PCDH15: variants seen among roughly 807,000 people sequenced by gnomAD.
PCDH15 encodes protocadherin-15.
In PCDH15, 129 loss-of-function variants were observed where a neutral mutation model predicts 178.5. That is an observed-to-expected ratio of 0.72 (90% CI 0.63 to 0.84). The LOEUF (loss-of-function observed/expected upper bound fraction) is 0.84. PCDH15 is among the 40% of genes least tolerant of loss of function. The pLI is 0.00. For synonymous variants in PCDH15, 800 were observed against 732.0 expected, an observed-to-expected ratio of 1.09 and a Z score of -1.50; for missense variants, 2,230 against 2,099.9, an observed-to-expected ratio of 1.06 and a Z score of -1.21.
chr10:54,463,777 C>G (rs1393729409), intron 3 of PCDH15, among the ~76,000 whole-genome samples: 1 of 151,314 alleles, frequency 6.6e-6, no homozygotes, highest in Non-Finnish European at 1.5e-5. Flanking sequence ...TGTTTTATAG[C>G]AAAGTGATTC....
At chr10:54,200,706 G>A (rs1306543853) in intron 10 of PCDH15, among the ~76,000 whole-genome samples, 2 of 151,956 alleles carry the variant, frequency 1.3e-5, no homozygotes, top group African/African-American at 2.4e-5. Flanking sequence ...ATCCTTTCAC[G>A]GCAACAGCTT....
intron 3 of PCDH15, among the ~76,000 whole-genome samples, chr10:54,516,328 T>C (rs1253754441): frequency 1.3e-5 from 2 of 151,934 alleles, no homozygotes; most frequent in East Asian, 3.9e-4. Context: ...ATTAGATGAA[T>C]GTATAACTAG....
intron 2 of PCDH15, among the ~76,000 whole-genome samples, chr10:54,612,323 A>T (rs1009558923): frequency 2.0e-5 from 3 of 151,892 alleles, no homozygotes; most frequent in African/African-American, 4.8e-5. Flanking sequence ...TGAATTAACA[A>T]TTGGCACTAC....
At chr10:54,156,266 CA>C (rs1309072249) in intron 13 of PCDH15, among the ~76,000 whole-genome samples, 5 of 151,940 alleles carry the variant, frequency 3.3e-5, no homozygotes, top group African/African-American at 4.8e-5. Context: ...GTGCATATTC[CA>C]AATGTCCCCA....
intron 1 of PCDH15, among the ~76,000 whole-genome samples, chr10:54,771,872 G>A (rs1949133777): frequency 6.6e-6 from 1 of 152,110 alleles, no homozygotes; most frequent in African/African-American, 2.4e-5. Flanking sequence ...AAATTAATAA[G>A]TGAAAGTATC....
intron 18 of PCDH15, among the ~76,000 whole-genome samples, chr10:54,033,659 T>C (rs2135444727): frequency 6.6e-6 from 1 of 152,138 alleles, no homozygotes. Context: ...CTCCATGAAT[T>C]GCATTTTATG....
chr10:54,499,478 G>A (rs1485680998), intron 3 of PCDH15, among the ~76,000 whole-genome samples: 1 of 151,992 alleles, frequency 6.6e-6, no homozygotes, highest in Non-Finnish European at 1.5e-5. Flanking sequence ...TGCCCTCTCA[G>A]ACAATAGTGC....
At chr10:55,570,201 T>G (rs974962130) in intron 2 of PCDH15, among the ~76,000 whole-genome samples, 4 of 152,000 alleles carry the variant, frequency 2.6e-5, no homozygotes, top group Admixed American at 6.6e-5. Flanking sequence ...CTTTATCGTC[T>G]GTAATAGTCA....
chr10:55,621,162 T>A (rs978052721), intron 2 of PCDH15, among the ~76,000 whole-genome samples: 3 of 152,260 alleles, frequency 2.0e-5, no homozygotes, highest in African/African-American at 7.2e-5. Context: ...ACAGTAGAGA[T>A]AATAATATGA....
At chr10:55,245,879 A>C (rs1260406707) in intron 1 of PCDH15, among the ~76,000 whole-genome samples, 1 of 152,210 alleles carries the variant, frequency 6.6e-6, no homozygotes, top group Non-Finnish European at 1.5e-5. Context: ...CAGCAAATTC[A>C]TACCAAAGCC....
chr10:55,195,279 T>A (rs1381059733), intron 1 of PCDH15, among the ~76,000 whole-genome samples: 1 of 151,798 alleles, frequency 6.6e-6, no homozygotes, highest in African/African-American at 2.4e-5. Context: ...AGCTTCGGCC[T>A]CCCAAAGTGC....
At chr10:54,612,303 T>C (rs551080858) in intron 2 of PCDH15, among the ~76,000 whole-genome samples, 1 of 151,974 alleles carries the variant, frequency 6.6e-6, no homozygotes, top group Admixed American at 6.6e-5. Flanking sequence ...ATATATTTAT[T>C]AAAATAAATT....
At chr10:54,411,973 T>G (rs1565205068) in intron 3 of PCDH15, among the ~76,000 whole-genome samples, 1 of 152,172 alleles carries the variant, frequency 6.6e-6, no homozygotes, top group Non-Finnish European at 1.5e-5. Context: ...TTTAGCTTTT[T>G]GGGGCTATGT....
At chr10:55,147,996 C>T (rs981319516) in intron 2 of PCDH15, among the ~76,000 whole-genome samples, 1 of 151,686 alleles carries the variant, frequency 6.6e-6, no homozygotes, top group Non-Finnish European at 1.5e-5. Context: ...GGGAAAATAC[C>T]CTTTCTTCCT....
chr10:54,276,370 C>T (rs11004198), intron 8 of PCDH15, among the ~76,000 whole-genome samples: 73,109 of 151,078 alleles, frequency 0.48, 18,728 homozygotes, highest in Non-Finnish European at 0.58. Context: ...GAAAATCCAA[C>T]TGAATACTAA....
At chr10:55,538,602 CT>C (rs1174100950) in intron 2 of PCDH15, among the ~76,000 whole-genome samples, 1 of 77,572 alleles carries the variant, frequency 1.3e-5, no homozygotes. Context: ...TCCTTCCTTC[CT>C]TTCCTTCCTT....
In PCDH15 at chr10:55,066,774, GTTT is replaced by G. The variant is rs555291097; in HGVS notation, c.-80+99799_-80+99801del. On this transcript the variant is annotated intron_variant, in intron 2 of 5. Coordinates refer to the PCDH15 transcript ENST00000458638. Reference sequence around the variant, plus strand: ...TTTAAGTTTTCACAAATTACATGAGGTTTTTATTTTATTTTAATTTATTAATTT... The same window carrying G: ...TTTAAGTTTTCACAAATTACATGAGGTTATTTTATTTTAATTTATTAATTT... 5.6e-3 allele frequency among the ~76,000 whole-genome samples: 843 copies of G among 150,464 alleles called. 5 individuals carry two copies. The highest frequency in any genetic ancestry group is 0.019 in the African/African-American group (792 of 41,298).
chr10:54,752,353 T>C (rs1248836531), intron 1 of PCDH15, among the ~76,000 whole-genome samples: 2 of 151,286 alleles, frequency 1.3e-5, no homozygotes, highest in Non-Finnish European at 2.9e-5. Context: ...GGCGGGCGCC[T>C]GTAGTCCCAG....
At chr10:54,834,653 A>C (rs1591729995) in intron 3 of PCDH15, among the ~76,000 whole-genome samples, 1 of 152,324 alleles carries the variant, frequency 6.6e-6, no homozygotes, top group East Asian at 1.9e-4. Context: ...TAGGATTTTA[A>C]GGTATAATAT....
Sources: gnomAD v4.1 joint callset for allele counts (sites outside exome capture counted in the v4.1 genomes callset) on GRCh38, gnomAD v4.1.1 for gene constraint, MANE v1.5 for transcripts, NCBI Gene and HGNC (gene_info 2026-07-23, HGNC 2026-07-21) for gene names.